The following SLC35F3 variants were observed in gnomAD, a reference collection of about 807,000 sequenced individuals.
The protein encoded by SLC35F3 is solute carrier family 35 member F3.
In SLC35F3, 25 loss-of-function variants were observed where a neutral mutation model predicts 49.9. The observed-to-expected ratio is 0.50, with a 90% CI of 0.37 to 0.70. The LOEUF (loss-of-function observed/expected upper bound fraction) is 0.70, where lower values mean the gene tolerates loss of function less well. Ranked by LOEUF, SLC35F3 falls within the 30% of genes least tolerant of loss-of-function variation. The probability of loss-of-function intolerance (pLI) is 0.00; values close to 1 mark genes in which losing one functional copy is unlikely to be tolerated. For missense variants in SLC35F3, 525 were observed against 639.8 expected (o/e 0.82, Z 1.94); for synonymous variants, 275 against 265.4 (o/e 1.04, Z -0.35).
At chr1:234,062,076 C>G (rs373443708) in intron 2 of SLC35F3, among the ~76,000 whole-genome samples, 1 of 152,222 alleles carries the variant, frequency 6.6e-6, no homozygotes, top group East Asian at 1.9e-4. Flanking sequence ...TACCTAAAAC[C>G]CCACTGTAGA....
chr1:234,316,783 C>A (rs1225568760), intron 5 of SLC35F3, 56 bp downstream of exon 5: 7 of 1,570,462 alleles, frequency 4.5e-6, no homozygotes, highest in African/African-American at 2.7e-5. Flanking sequence ...GCCAGCACAG[C>A]CGGCTTTAGA....
At chr1:234,260,614 G>T (rs948213563) in intron 3 of SLC35F3, among the ~76,000 whole-genome samples, 4 of 152,160 alleles carry the variant, frequency 2.6e-5, no homozygotes, top group Admixed American at 6.5e-5. Flanking sequence ...CAGGACTTGG[G>T]ATATGAAATT....
intron 2 of SLC35F3, among the ~76,000 whole-genome samples, chr1:234,200,280 G>C (rs1041018102): frequency 5.9e-5 from 9 of 152,078 alleles, no homozygotes; most frequent in Non-Finnish European, 1.2e-4. Context: ...TCTTCTTTGG[G>C]GAAATACTTC....
intron 2 of SLC35F3, among the ~76,000 whole-genome samples, chr1:234,143,288 C>CTTTTCTTTTTTTTTTTT (rs1478216426): frequency 8.1e-6 from 1 of 123,564 alleles, no homozygotes; most frequent in African/African-American, 3.5e-5. Flanking sequence ...CTTTTCTTTT[C>CTTTTCTTTTTTTTTTTT]TTTTTTTTTT....
At chr1:234,120,218 CT>C (rs748326526) in intron 2 of SLC35F3, among the ~76,000 whole-genome samples, 1 of 152,210 alleles carries the variant, frequency 6.6e-6, no homozygotes, top group Non-Finnish European at 1.5e-5. Flanking sequence ...GGCTTACATT[CT>C]TATCACTACT....
At chr1:233,926,575 C>T (rs561695635) in intron 2 of SLC35F3, among the ~76,000 whole-genome samples, 3 of 152,120 alleles carry the variant, frequency 2.0e-5, no homozygotes, top group Admixed American at 2.0e-4. Flanking sequence ...TGATGGGTTC[C>T]TACATCCTCC....
At chr1:234,092,592 G>A (rs1665060504) in intron 2 of SLC35F3, among the ~76,000 whole-genome samples, 1 of 152,232 alleles carries the variant, frequency 6.6e-6, no homozygotes, top group African/African-American at 2.4e-5. Flanking sequence ...AGGCTGGCTA[G>A]CATGGCAGTT....
intron 2 of SLC35F3, among the ~76,000 whole-genome samples, chr1:234,160,111 C>T (rs1666205611): frequency 6.6e-6 from 1 of 152,188 alleles, no homozygotes. Context: ...CCATCAAGGG[C>T]CCAGCCTCAC....
intron 2 of SLC35F3, among the ~76,000 whole-genome samples, chr1:234,008,492 G>A (rs147724044): frequency 1.9e-4 from 29 of 152,210 alleles, no homozygotes; most frequent in Middle Eastern, 3.4e-3. Context: ...TGTCCTTGAT[G>A]GTAAAGCCAT....
intron 2 of SLC35F3, among the ~76,000 whole-genome samples, chr1:234,225,908 T>G (rs1047812452): frequency 6.6e-6 from 1 of 152,190 alleles, no homozygotes; most frequent in African/African-American, 2.4e-5. Context: ...GACATGATGT[T>G]AAATGAAAGA....
intron 2 of SLC35F3, among the ~76,000 whole-genome samples, chr1:234,154,611 A>C (rs1413222460): frequency 7.9e-5 from 12 of 152,160 alleles, no homozygotes; most frequent in Admixed American, 7.9e-4. Context: ...CACAAATTTG[A>C]TGTCTGGCAT....
At chr1:234,032,941 A>T (rs763839319) in intron 2 of SLC35F3, among the ~76,000 whole-genome samples, 5 of 152,068 alleles carry the variant, frequency 3.3e-5, no homozygotes, top group Non-Finnish European at 5.9e-5. Flanking sequence ...GAATCCCCAT[A>T]CTGTTTTCCA....
intron 2 of SLC35F3, among the ~76,000 whole-genome samples, chr1:233,953,637 C>T (rs1168910546): frequency 2.6e-5 from 4 of 152,204 alleles, no homozygotes; most frequent in African/African-American, 7.2e-5. Flanking sequence ...ATCTGTTTAG[C>T]AGGCAGCTGG....
intron 2 of SLC35F3, among the ~76,000 whole-genome samples, chr1:234,105,096 CTG>C (rs1375466119): frequency 6.8e-6 from 1 of 146,488 alleles, no homozygotes; most frequent in African/African-American, 2.5e-5. Context: ...CCACTGCACT[CTG>C]GCCTGGGCGA....
intron 2 of SLC35F3, among the ~76,000 whole-genome samples, chr1:234,211,786 T>C (rs767037100): frequency 1.3e-5 from 2 of 152,230 alleles, no homozygotes; most frequent in African/African-American, 4.8e-5. Flanking sequence ...GAGTTAATGC[T>C]GAAATGAATT....
chr1:234,195,368 A>C (rs989065940), intron 2 of SLC35F3, among the ~76,000 whole-genome samples: 1 of 152,078 alleles, frequency 6.6e-6, no homozygotes, highest in Non-Finnish European at 1.5e-5. Context: ...CTTGATTCAA[A>C]CTTGACTTTA....
At chr1:234,218,792 T>A (rs150946951) in intron 2 of SLC35F3, among the ~76,000 whole-genome samples, 120 of 152,278 alleles carry the variant, frequency 7.9e-4, no homozygotes, top group African/African-American at 2.8e-3. Context: ...TCCCATTGTA[T>A]GTAATTCCAG....
At chr1:234,297,617 G>A (rs537143549) in intron 3 of SLC35F3, among the ~76,000 whole-genome samples, 47 of 152,086 alleles carry the variant, frequency 3.1e-4, no homozygotes, top group East Asian at 3.9e-4. Context: ...AGTGGCTCAC[G>A]CCTGTAATCT....
chr1:234,125,920 T>C (rs1004308045), intron 2 of SLC35F3, among the ~76,000 whole-genome samples: 5 of 152,160 alleles, frequency 3.3e-5, no homozygotes, highest in African/African-American at 1.2e-4. Context: ...CAGTGTGTGA[T>C]GAAGAACAGT....
Sources: allele counts gnomAD v4.1 joint callset (sites outside exome capture counted in the v4.1 genomes callset), GRCh38; gene constraint gnomAD v4.1.1; transcripts MANE v1.5; gene names NCBI Gene and HGNC (gene_info 2026-07-23, HGNC 2026-07-21).